JAK2: variants seen among roughly 807,000 people sequenced by gnomAD.
JAK2 encodes tyrosine-protein kinase JAK2.
A neutral mutation model predicts 139.3 loss-of-function variants in JAK2; 86 were observed. The ratio of observed to expected loss-of-function variants is 0.62; its 90% CI spans 0.52 to 0.74. The LOEUF is 0.74. JAK2 is among the 30% of genes least tolerant of loss of function. The pLI is 0.00. For synonymous variants in JAK2, 490 were observed against 437.7 expected, an observed-to-expected ratio of 1.12 and a Z score of -1.49; for missense variants, 1,421 against 1,360.3, an observed-to-expected ratio of 1.04 and a Z score of -0.70.
chr9:5,052,332 T>G (rs775992230), intron 6 of JAK2, among the ~76,000 whole-genome samples: 45 of 152,116 alleles, frequency 3.0e-4, no homozygotes, highest in Admixed American at 1.0e-3. Flanking sequence ...AATGACTATT[T>G]AGTAACTATT....
At chr9:4,992,430 C>T (rs1159970979) in intron 2 of JAK2, among the ~76,000 whole-genome samples, 1 of 152,144 alleles carries the variant, frequency 6.6e-6, no homozygotes, top group African/African-American at 2.4e-5. Flanking sequence ...GTGGCAAGTT[C>T]ACACTGCAGA....
At chr9:5,042,002 A>G in intron 4 of JAK2, 1 of 347,774 alleles carries the variant, frequency 2.9e-6, no homozygotes, top group Non-Finnish European at 5.6e-6. Context: ...CTTGGGGCCC[A>G]CCCACAGCGG....
At chr9:5,012,943 A>G (rs1057029789) in intron 2 of JAK2, among the ~76,000 whole-genome samples, 7 of 152,212 alleles carry the variant, frequency 4.6e-5, no homozygotes, top group Admixed American at 4.6e-4. Flanking sequence ...ATAGTTCAGG[A>G]GAGAAATAAT....
At chr9:5,112,791 T>C (rs940040076) in intron 22 of JAK2, 2 of 555,354 alleles carry the variant, frequency 3.6e-6, no homozygotes, top group Admixed American at 7.7e-5. Context: ...CCCCAGATGG[T>C]GCTTTCAGCT....
rs774801005 is a variant in JAK2, at chr9:5,123,020, C to G, written c.3076C>G (p.Leu1026Val). 1.2e-6 allele frequency: 2 copies of G among 1,610,360 alleles called. No homozygotes were observed. Among genetic ancestry groups the G allele is most frequent in the Non-Finnish European group, 1.7e-6 (2 of 1,177,562 alleles). ...TATTTACAGGTATGCTCCAGAATCA[C>G]TGACAGAGAGCAAGTTTTCTGTGGC... ...SPIFWYAPES[L>V]TESKFSVASD... Residue 1026 changes from leucine (L) to valine (V), a missense_variant, in exon 23 of 25, where the codon CTG becomes GTG. Transcript: ENST00000381652.
At chr9:5,064,091 A>T (rs532564637) in intron 8 of JAK2, among the ~76,000 whole-genome samples, 1 of 152,246 alleles carries the variant, frequency 6.6e-6, no homozygotes, top group East Asian at 1.9e-4. Flanking sequence ...AGGAGGCAGA[A>T]GTTGCAGTGA....
chr9:5,041,134 C>G (rs1290071508), intron 4 of JAK2: 1 of 988,396 alleles, frequency 1.0e-6, no homozygotes, highest in Non-Finnish European at 1.6e-6. Context: ...TGCTCCTGAT[C>G]GCCATCCGGC....
Position 5,064,983 on chromosome 9 carries a change from A to G in JAK2, c.1157A>G (p.Glu386Gly). The G allele has an allele frequency of 6.2e-7, 1 of 1,611,266 alleles. No individual in the cohort carries two copies. Among genetic ancestry groups the G allele is most frequent in the South Asian group, 1.1e-5 (1 of 90,606 alleles). The change falls in exon 9 of 25, where the codon GAA becomes GGA. Residue 386 changes from glutamate (E) to glycine (G), a missense_variant. Physicochemically the swap from Glu to Gly is moderately conservative, Grantham distance 98. Coordinates refer to ENST00000381652, the MANE Select transcript of JAK2 (RefSeq NM_004972.4). Reference protein sequence around the residue: ...TADAHHYLCKEVAPPAVLENI... With the variant: ...TADAHHYLCKGVAPPAVLENI... ...GATGCACATCATTACCTCTGTAAAG[A>G]AGTAGCACCTCCAGCCGTGCTTGAA... is the stretch of plus-strand genomic sequence containing the variant.
At chr9:5,047,061 C>G (rs1022544961) in intron 5 of JAK2, among the ~76,000 whole-genome samples, 1 of 152,044 alleles carries the variant, frequency 6.6e-6, no homozygotes, top group East Asian at 1.9e-4. Flanking sequence ...CAAGGTAATT[C>G]CACCATATAA....
intron 22 of JAK2, among the ~76,000 whole-genome samples, chr9:5,115,478 T>G (rs562293336): frequency 3.3e-5 from 5 of 152,186 alleles, no homozygotes; most frequent in Non-Finnish European, 7.3e-5. Context: ...GTAAATTAGT[T>G]CAACCATTGT....
chr9:5,101,643 A>C (rs755408643), intron 22 of JAK2, among the ~76,000 whole-genome samples: 15 of 152,230 alleles, frequency 9.9e-5, no homozygotes, highest in Non-Finnish European at 2.2e-4. Context: ...CTGACACCTC[A>C]TACAGGTGGG....
rs922318667 is a variant in JAK2, at chr9:5,063,953, T to C, written c.1057-930T>C. On this transcript the variant is annotated intron_variant, in intron 8 of 24. Coordinates refer to ENST00000381652, the MANE Select transcript of JAK2 (RefSeq NM_004972.4). ...CGGGCGGATCATTAGGTCAGGAATT[T>C]GAGACCAGCCTGGCCAACATGTTGA... 1.4e-4 allele frequency among the ~76,000 whole-genome samples: 22 copies of C among 152,276 alleles called. 1 individual carries two copies. Among genetic ancestry groups the C allele is most frequent in the South Asian group, 4.1e-4 (2 of 4,828 alleles).
At chr9:5,104,706 A>C (rs995725320) in intron 22 of JAK2, among the ~76,000 whole-genome samples, 16 of 152,198 alleles carry the variant, frequency 1.1e-4, no homozygotes, top group African/African-American at 3.9e-4. Context: ...AAAGCTTATC[A>C]ACCACGATCA....
At chr9:5,108,341 A>T (rs1778461167) in intron 22 of JAK2, 2 of 152,274 alleles carry the variant, frequency 1.3e-5, no homozygotes, top group South Asian at 2.1e-4. Flanking sequence ...GGAACCAACC[A>T]GAACGCCTCA....
intron 19 of JAK2, chr9:5,085,514 C>A: frequency 2.8e-6 from 2 of 717,134 alleles, no homozygotes; most frequent in South Asian, 2.9e-5. Context: ...TGAAGAAATT[C>A]ACCACACACC....
chr9:5,034,227 C>T (rs1050147545), intron 4 of JAK2, among the ~76,000 whole-genome samples: 2 of 152,034 alleles, frequency 1.3e-5, no homozygotes, highest in Non-Finnish European at 2.9e-5. Context: ...ACAGGAGCAC[C>T]CAGATTCATA....
intron 22 of JAK2, chr9:5,099,052 C>G (rs1821257001): frequency 6.6e-6 from 1 of 152,134 alleles, no homozygotes; most frequent in African/African-American, 2.4e-5. Flanking sequence ...AGAACTTCGA[C>G]TCCTTGAAGT....
chr9:5,016,733 A>C (rs998635232), intron 2 of JAK2, among the ~76,000 whole-genome samples: 2 of 152,164 alleles, frequency 1.3e-5, no homozygotes, highest in African/African-American at 2.4e-5. Flanking sequence ...ACCTCCTGCC[A>C]GTTATTCTCC....
chr9:5,060,081 T>A (rs1353323467), intron 8 of JAK2, among the ~76,000 whole-genome samples: 2 of 152,230 alleles, frequency 1.3e-5, no homozygotes, highest in African/African-American at 4.8e-5. Flanking sequence ...AAAGTTATGT[T>A]TACACTATAA....
Sources: gnomAD v4.1 joint callset for allele counts (sites outside exome capture counted in the v4.1 genomes callset) on GRCh38, gnomAD v4.1.1 for gene constraint, MANE v1.5 for transcripts, NCBI Gene and HGNC (gene_info 2026-07-23, HGNC 2026-07-21) for gene names.